Variants in CMTR1 observed in about 807,000 individuals in gnomAD.
CMTR1 encodes cap-specific mRNA (nucleoside-2'-O-)-methyltransferase 1.
CMTR1 carries 39 observed loss-of-function variants against 107.0 expected under a neutral mutation model. The observed-to-expected ratio is 0.36, with a 90% confidence interval of 0.28 to 0.48. CMTR1 has a LOEUF of 0.48. Ranked by LOEUF, CMTR1 falls within the 20% of genes least tolerant of loss-of-function variation. The pLI is 0.99. For synonymous variants in CMTR1, 366 were observed against 379.5 expected (o/e 0.96, Z 0.41); for missense variants, 672 against 1,064.9 (o/e 0.63, Z 5.14).
At chr6:37,468,043 C>T (rs1761541644) in intron 13 of CMTR1, among the ~76,000 whole-genome samples, 1 of 144,860 alleles carries the variant, frequency 6.9e-6, no homozygotes, top group Non-Finnish European at 1.5e-5. Context: ...TCCTTTCTTC[C>T]CTCTGTTTTG....
At chr6:37,439,586 G>A (rs904539878) in intron 2 of CMTR1, among the ~76,000 whole-genome samples, 4 of 152,150 alleles carry the variant, frequency 2.6e-5, no homozygotes, top group African/African-American at 4.8e-5. Context: ...TTCCTTTATC[G>A]GTATCTGTTT....
intron 12 of CMTR1, among the ~76,000 whole-genome samples, 158 bp from the exon 13 acceptor site, chr6:37,462,671 A>C (rs1010580855): frequency 6.6e-6 from 1 of 152,162 alleles, no homozygotes; most frequent in African/African-American, 2.4e-5. Context: ...TTTGAGGGGA[A>C]CTTTAGCACC....
Position 37,462,843 on chromosome 6 carries a change from A to G in CMTR1, c.1340A>G (p.Lys447Arg), listed in dbSNP as rs1449625849. ...PANSERYVVCKGLKVGIDDVR... is the reference protein window; with the variant it reads ...PANSERYVVCRGLKVGIDDVR... ...TCTTCTGCCAGGTATGTGGTGTGCA[A>G]GGGCCTGAAGGTGGGCATAGATGAT... Residue 447 changes from lysine (K) to arginine (R), a missense_variant, in exon 13 of 24, where the codon AAG (lysine) becomes AGG (arginine). By Grantham distance (26) the Lys-to-Arg change is conservative. This residue lies in a region of CMTR1 where 583 missense variants were observed against 968.4 expected (regional missense o/e 0.60). Coordinates refer to ENST00000373451, the MANE Select transcript of CMTR1 (RefSeq NM_015050.3). 2 of 1,612,718 alleles carry G rather than the reference A, an allele frequency of 1.2e-6. No homozygotes were observed. The highest frequency in any genetic ancestry group is 8.5e-7 in the Non-Finnish European group (1 of 1,179,994).
chr6:37,477,377 G>A (rs1761760576), intron 20 of CMTR1, among the ~76,000 whole-genome samples: 1 of 152,214 alleles, frequency 6.6e-6, no homozygotes, highest in South Asian at 2.1e-4. Flanking sequence ...ACGCAGGCCT[G>A]AGGAGGTGCT....
intron 13 of CMTR1, 22 bp from the exon 14 acceptor site, chr6:37,470,999 A>G (rs776636421): frequency 6.3e-7 from 1 of 1,587,820 alleles, no homozygotes; most frequent in Non-Finnish European, 8.5e-7. Context: ...TCCTGAGATC[A>G]AATAATTTTT....
intron 22 of CMTR1, 39 bp from the exon 23 acceptor site, chr6:37,479,108 G>A: frequency 1.4e-6 from 2 of 1,446,828 alleles, no homozygotes; most frequent in Admixed American, 1.7e-5. Context: ...CAAGTGCTTT[G>A]TGTCCCTTCT....
At chr6:37,435,910 A>G in intron 2 of CMTR1, 148 bp downstream of exon 2, 3 of 746,216 alleles carry the variant, frequency 4.0e-6, no homozygotes, top group Non-Finnish European at 6.0e-6. Flanking sequence ...TTGGCTATAG[A>G]CTCTTTTCCC....
At chr6:37,437,751 T>C (rs1213920574) in intron 2 of CMTR1, among the ~76,000 whole-genome samples, 1 of 152,116 alleles carries the variant, frequency 6.6e-6, no homozygotes, top group Non-Finnish European at 1.5e-5. Context: ...CACCTGGAAT[T>C]TGAGCAGCTT....
In CMTR1 at chr6:37,462,929, G is replaced by A. The variant is rs892124878; in HGVS notation, c.1426G>A (p.Asp476Asn). 8.1e-6 allele frequency: 13 copies of A among 1,614,048 alleles called. No homozygotes were observed. The highest frequency in any genetic ancestry group is 4.0e-5 in the African/African-American group (3 of 74,904). Reference sequence around the variant, plus strand: ...CAATCAGCTGCGGAACACGGATTCCGACGTCAACTTGGTGGTCCCCCTGGA... The same window carrying A: ...CAATCAGCTGCGGAACACGGATTCCAACGTCAACTTGGTGGTCCCCCTGGA... ...KLNQLRNTDS[D>N]VNLVVPLEVI... Residue 476 changes from aspartate to asparagine, a missense_variant, in exon 13 of 24, where the codon GAC becomes AAC. By Grantham distance (23) the Asp-to-Asn change is conservative (BLOSUM62 1). This residue lies in a region of CMTR1 where 583 missense variants were observed against 968.4 expected (regional missense o/e 0.60). Coordinates refer to ENST00000373451, the MANE Select transcript of CMTR1 (RefSeq NM_015050.3).
At chr6:37,468,701 T>C (rs1319926980) in intron 13 of CMTR1, among the ~76,000 whole-genome samples, 1 of 151,060 alleles carries the variant, frequency 6.6e-6, no homozygotes, top group Non-Finnish European at 1.5e-5. Flanking sequence ...CTGACCAACA[T>C]GGTGAAACCC....
At chr6:37,469,530 T>TC (rs1761580523) in intron 13 of CMTR1, among the ~76,000 whole-genome samples, 1 of 134,568 alleles carries the variant, frequency 7.4e-6, no homozygotes, top group Non-Finnish European at 1.6e-5. Flanking sequence ...CCTTTTTTTT[T>TC]TTTTTTTTTT....
At chr6:37,446,226 G>A in intron 3 of CMTR1, 65 bp from the exon 4 acceptor site, 1 of 1,539,616 alleles carries the variant, frequency 6.5e-7, no homozygotes, top group Non-Finnish European at 8.9e-7. Flanking sequence ...TGTTTGGCAT[G>A]TGATGGGGCT....
intron 22 of CMTR1, 54 bp downstream of exon 22, chr6:37,478,575 C>G: frequency 7.0e-7 from 1 of 1,431,800 alleles, no homozygotes; most frequent in Non-Finnish European, 9.8e-7. Context: ...CTCTCCTCGC[C>G]AGGTGATGGG....
upstream of CMTR1, among the ~76,000 whole-genome samples, chr6:37,429,697 C>T (rs1028502322): frequency 1.1e-4 from 17 of 152,062 alleles, no homozygotes; most frequent in African/African-American, 3.9e-4. Context: ...AATATACTCT[C>T]GGGAGGCCAA....
At position 37,480,709 on chromosome 6, in the gene CMTR1, C is replaced by T. The variant is rs1156541564; in HGVS notation, c.*564C>T. On this transcript the variant is annotated 3_prime_UTR_variant, in exon 24 of 24. Coordinates refer to ENST00000373451, the MANE Select transcript of CMTR1 (RefSeq NM_015050.3). ...GAGACCATTTTCTTGTCTCCTTCCC[C>T]CACTCATCCTGGCCTTCCCTGGAGT... 5 of 1,026,218 alleles carry T rather than the reference C, an allele frequency of 4.9e-6. No homozygotes were observed. Among genetic ancestry groups the T allele is most frequent in the Non-Finnish European group, 5.8e-6 (5 of 856,574 alleles). The allele number at this position is 1,026,218 out of a possible 1,614,324, so 63.6% of individuals were successfully genotyped here. A position where few individuals can be genotyped will look rare whatever the true frequency, so the allele number is the denominator to read the frequency against.
At chr6:37,477,727 G>T in intron 21 of CMTR1, 88 bp downstream of exon 21, 1 of 398,276 alleles carries the variant, frequency 2.5e-6, no homozygotes, top group Non-Finnish European at 5.0e-6. Flanking sequence ...CATAAGATGG[G>T]TCGGGGGCGG....
At chr6:37,474,252 G>T (rs1175724963) in intron 17 of CMTR1, among the ~76,000 whole-genome samples, 1 of 152,108 alleles carries the variant, frequency 6.6e-6, no homozygotes, top group Non-Finnish European at 1.5e-5. Context: ...TTTTTTGAGG[G>T]CCACTAATTA....
chr6:37,479,308 C>T (rs1474218323), intron 23 of CMTR1, 53 bp downstream of exon 23: 10 of 1,246,764 alleles, frequency 8.0e-6, no homozygotes, highest in African/African-American at 1.5e-5. Context: ...AGTACTCCTG[C>T]AGGATGCCAG....
Position 37,459,552 on chromosome 6 carries a change from T to C in CMTR1, c.977-14T>C. On this transcript the variant is annotated splice_polypyrimidine_tract_variant and intron_variant, in intron 9 of 23. Coordinates refer to ENST00000373451, the MANE Select transcript of CMTR1 (RefSeq NM_015050.3). ...AGGGCAGATGAACTCACTATGACTC[T>C]TGTATTCTGACAGGTGAGGGTGGGA... 6.2e-7 allele frequency: 1 copy of C among 1,609,696 alleles called. No homozygotes were observed. The highest frequency in any genetic ancestry group is 8.5e-7 in the Non-Finnish European group (1 of 1,175,970).
Sources: gnomAD v4.1 joint callset for allele counts (sites outside exome capture counted in the v4.1 genomes callset) on GRCh38, gnomAD v4.1.1 for gene constraint, gnomAD v4.1.1 regional missense constraint, MANE v1.5 for transcripts, NCBI Gene and HGNC (gene_info 2026-07-23, HGNC 2026-07-21) for gene names.